The following PLCB4 variants were observed in gnomAD, a reference collection of about 807,000 sequenced individuals.
The protein encoded by PLCB4 is phospholipase C beta 4.
Under a neutral mutation model 178.8 loss-of-function variants are expected in PLCB4, and 77 were observed. That is an observed-to-expected ratio of 0.43 (90% CI 0.36 to 0.52). The LOEUF is 0.52. Ranked by LOEUF, PLCB4 falls within the 20% of genes least tolerant of loss-of-function variation. The pLI, the probability that PLCB4 is intolerant of heterozygous loss-of-function variation, is 0.00. For synonymous variants in PLCB4, 496 were observed against 490.8 expected (o/e 1.01, Z -0.14); for missense variants, 1,024 against 1,453.4 (o/e 0.70, Z 4.80).
rs769067712 is a variant in PLCB4, at chr20:9,362,916, A to G, written c.390A>G (p.Arg130=). 6 of 1,612,546 alleles carry G rather than the reference A, an allele frequency of 3.7e-6. No homozygotes were observed. The African/African-American group carries it at 6.7e-5, about 18-fold the overall frequency. Residue 130 remains arginine (R), a synonymous_variant, in exon 8 of 40, where the codon AGA becomes AGG. Coordinates refer to ENST00000378473, the MANE Select transcript of PLCB4 (RefSeq NM_001377142.1). ...EVTKQWVEGL[R]SIIHNFRANN... Reference sequence around the variant, plus strand: ...TTCAGCAATGGGTAGAAGGCCTGAGATCAATCATACACAACTTCAGGGCCA... The same window carrying G: ...TTCAGCAATGGGTAGAAGGCCTGAGGTCAATCATACACAACTTCAGGGCCA...
Position 9,395,506 on chromosome 20 carries a change from C to G in PLCB4, c.1415-17C>G. 1 of 1,582,180 alleles carries G rather than the reference C, an allele frequency of 6.3e-7. No homozygotes were observed. Among genetic ancestry groups the G allele is most frequent in the Non-Finnish European group, 8.7e-7 (1 of 1,151,496 alleles). ...CCTAGCATCTGTCACCATCTCTTTG[C>G]GTGTTTTTGCTAACAGAACAGCTGG... On this transcript the variant is annotated splice_polypyrimidine_tract_variant and intron_variant, in intron 18 of 39. Transcript: ENST00000378473.
intron 2 of PLCB4, among the ~76,000 whole-genome samples, chr20:9,210,369 A>G (rs2093660634): frequency 6.6e-6 from 1 of 152,154 alleles, no homozygotes; most frequent in Non-Finnish European, 1.5e-5. Flanking sequence ...GACGGCAAAG[A>G]AAAAATACAG....
At chr20:9,460,415 T>G (rs996904543) in intron 35 of PLCB4, among the ~76,000 whole-genome samples, 1 of 152,214 alleles carries the variant, frequency 6.6e-6, no homozygotes, top group African/African-American at 2.4e-5. Flanking sequence ...TAGCTACCTG[T>G]GGAGAGAGTC....
chr20:9,447,905 A>T (rs1265001131), intron 32 of PLCB4, among the ~76,000 whole-genome samples: 1 of 152,202 alleles, frequency 6.6e-6, no homozygotes, highest in Non-Finnish European at 1.5e-5. Flanking sequence ...TGAACCTATC[A>T]GGGCACAAAT....
intron 2 of PLCB4, among the ~76,000 whole-genome samples, chr20:9,164,451 A>AT (rs538489006): frequency 1.5e-3 from 223 of 152,260 alleles, no homozygotes; most frequent in African/African-American, 5.3e-3. Context: ...CTTCTGAATC[A>AT]TTTTTTAAGT....
chr20:9,445,859 G>A (rs916571366), intron 32 of PLCB4, among the ~76,000 whole-genome samples: 9 of 152,230 alleles, frequency 5.9e-5, no homozygotes, highest in African/African-American at 2.2e-4. Flanking sequence ...TAATTATTTG[G>A]AATAGAGTGG....
chr20:9,286,492 C>T (rs1215571942), intron 3 of PLCB4, among the ~76,000 whole-genome samples: 1 of 151,894 alleles, frequency 6.6e-6, no homozygotes. Flanking sequence ...GCCTTTTGTC[C>T]CATTGTCAAG....
chr20:9,188,617 A>C (rs879221985), intron 2 of PLCB4, among the ~76,000 whole-genome samples: 1 of 135,984 alleles, frequency 7.4e-6, no homozygotes, highest in African/African-American at 3.0e-5. Flanking sequence ...GAGGGCTGTC[A>C]TATAGTGACA....
chr20:9,097,406 C>T (rs900641572), intron 2 of PLCB4, among the ~76,000 whole-genome samples: 1 of 151,866 alleles, frequency 6.6e-6, no homozygotes, highest in African/African-American at 2.4e-5. Flanking sequence ...TGGTGGGTCC[C>T]ATGGGGCTGT....
rs6140929 is a variant in PLCB4 at position 9,395,786 on chromosome 20, G to A, written c.1510+168G>A. Among the ~76,000 whole-genome samples, 56 of 152,242 alleles carry A rather than the reference G, an allele frequency of 3.7e-4. No individual in the cohort carries two copies. The East Asian group carries it at 8.1e-3, about 22-fold the overall frequency. ...CAAGACCAGCCTGGGCAACATTTTC[G>A]TAGAGATGAGACCCCATGTCTACAA... On this transcript the variant is annotated intron_variant, in intron 19 of 39. Coordinates refer to ENST00000378473, the MANE Select transcript of PLCB4 (RefSeq NM_001377142.1).
intron 39 of PLCB4, 87 bp from the exon 40 acceptor site, chr20:9,478,834 T>C (rs1324212695): frequency 2.1e-6 from 2 of 931,678 alleles, no homozygotes; most frequent in Non-Finnish European, 3.5e-6. Flanking sequence ...GACAGGATCA[T>C]ATTTATGGGA....
chr20:9,127,893 G>A (rs907006325), intron 2 of PLCB4, among the ~76,000 whole-genome samples: 5 of 151,982 alleles, frequency 3.3e-5, no homozygotes, highest in African/African-American at 1.2e-4. Flanking sequence ...TATCATGTTG[G>A]CCAGACTCGT....
intron 2 of PLCB4, among the ~76,000 whole-genome samples, chr20:9,106,457 G>A (rs1323550886): frequency 6.6e-6 from 1 of 151,668 alleles, no homozygotes; most frequent in Middle Eastern, 3.4e-3. Flanking sequence ...TGACAGATAT[G>A]ATTGTAACAT....
rs112396041 is a variant in PLCB4 at position 9,101,846 on chromosome 20, C to CT, written c.-79+5520dup. ...ACAATTTGCCAGTTTTGTAAATCAGCTTTTTTTTTTTTTTTTGAGATGGAG... is the reference window on the plus strand; with the variant it reads ...ACAATTTGCCAGTTTTGTAAATCAGCTTTTTTTTTTTTTTTTTGAGATGGAG... On this transcript the variant is annotated intron_variant, in intron 2 of 39. Transcript: ENST00000378473. Among the ~76,000 whole-genome samples the CT allele has an allele frequency of 8.5e-3, 1,157 of 135,794 alleles. 12 individuals carry two copies. The highest frequency in any genetic ancestry group is 0.018 in the African/African-American group (657 of 37,076). The allele number at this position is 135,794 out of a possible 152,430, so 89.1% of individuals were successfully genotyped here.
chr20:9,218,868 G>A (rs759274136), intron 3 of PLCB4, among the ~76,000 whole-genome samples: 1 of 152,134 alleles, frequency 6.6e-6, no homozygotes, highest in Non-Finnish European at 1.5e-5. Flanking sequence ...GGAGTAGGAG[G>A]GACTGAATAA....
chr20:9,204,360 T>C lies in PLCB4; in HGVS notation c.-78-13030T>C, dbSNP rs527887742. Among the ~76,000 whole-genome samples, 51 of 151,886 alleles carry C rather than the reference T, an allele frequency of 3.4e-4. 1 individual carries two copies. Among genetic ancestry groups the C allele is most frequent in the African/African-American group, 1.2e-3 (51 of 41,430 alleles). ...TCCAGTCACTATCCAAGCTCTAAGA[T>C]TTTTTTTGCGGGGGTGGGGATCGAG... On this transcript the variant is annotated intron_variant, in intron 2 of 39. Coordinates refer to ENST00000378473, the MANE Select transcript of PLCB4 (RefSeq NM_001377142.1).
At chr20:9,470,991 T>C (rs2044153788) in intron 36 of PLCB4, among the ~76,000 whole-genome samples, 2 of 152,190 alleles carry the variant, frequency 1.3e-5, no homozygotes, top group South Asian at 2.1e-4. Flanking sequence ...TGAGGAGAAA[T>C]AAAATTTAAA....
intron 1 of PLCB4, among the ~76,000 whole-genome samples, chr20:9,081,047 T>A (rs1305783196): frequency 6.6e-6 from 1 of 152,234 alleles, no homozygotes; most frequent in Non-Finnish European, 1.5e-5. Context: ...TCATTCAGTC[T>A]CTCTATACTG....
chr20:9,387,705 A>C, intron 15 of PLCB4, 149 bp downstream of exon 15: 1 of 505,588 alleles, frequency 2.0e-6, no homozygotes, highest in East Asian at 3.2e-5. Flanking sequence ...AAGTCAAGAC[A>C]AAGATCTTTT....
Sources: gnomAD v4.1 joint callset for allele counts (sites outside exome capture counted in the v4.1 genomes callset) on GRCh38, gnomAD v4.1.1 for gene constraint, MANE v1.5 for transcripts, NCBI Gene and HGNC (gene_info 2026-07-23, HGNC 2026-07-21) for gene names.